FLACC1: variants seen among roughly 807,000 people sequenced by gnomAD.
The protein encoded by FLACC1 is flagellum associated containing coiled-coil domains 1.
In FLACC1, 66 loss-of-function variants were observed where a neutral mutation model predicts 62.8. That is an observed-to-expected ratio of 1.05 (90% confidence interval 0.86 to 1.29). The LOEUF (loss-of-function observed/expected upper bound fraction) is 1.29. Among genes scored for constraint, FLACC1 ranks in the 50% most tolerant of loss-of-function variants. The probability of loss-of-function intolerance (pLI) is 0.00; values close to 1 mark genes in which losing one functional copy is unlikely to be tolerated. For missense variants in FLACC1, 452 were observed against 489.1 expected (o/e 0.92, Z 0.71); for synonymous variants, 156 against 161.0 (o/e 0.97, Z 0.24).
intron 3 of FLACC1, among the ~76,000 whole-genome samples, chr2:201,350,501 A>G (rs1951003388): frequency 6.6e-6 from 1 of 152,092 alleles, no homozygotes. Context: ...CAATGTGGTG[A>G]AACCCCGTCT....
intron 6 of FLACC1, 124 bp from the exon 7 acceptor site, chr2:201,342,555 C>CATGA: frequency 2.4e-6 from 2 of 837,008 alleles, no homozygotes; most frequent in Non-Finnish European, 3.9e-6. Flanking sequence ...GGCACAGCCC[C>CATGA]CTTCCCACCC....
chr2:201,359,190 G>C (rs1317241960), upstream of FLACC1, among the ~76,000 whole-genome samples: 1 of 152,222 alleles, frequency 6.6e-6, no homozygotes. Context: ...TGGCTTTCCA[G>C]CTCGAGCAAT....
chr2:201,303,213 A>C (rs1950026024), intron 11 of FLACC1, among the ~76,000 whole-genome samples: 1 of 152,150 alleles, frequency 6.6e-6, no homozygotes, highest in Admixed American at 6.5e-5. Context: ...AGAGAGAAGA[A>C]TCAAATAGAC....
At chr2:201,323,784 C>CAAAAAAAAAAAA (rs71022362) in intron 9 of FLACC1, among the ~76,000 whole-genome samples, 594 of 52,658 alleles carry the variant, frequency 0.011, 44 homozygotes, top group African/African-American at 0.048. Context: ...CAGACTCTAT[C>CAAAAAAAAAAAA]AAAAAAAAAA....
At chr2:201,348,407 C>A (rs1056904612) in intron 3 of FLACC1, 105 bp from the exon 4 acceptor site, 26 of 1,193,356 alleles carry the variant, frequency 2.2e-5, no homozygotes, top group Non-Finnish European at 2.9e-5. Context: ...TGCTCTCTGA[C>A]CTGACCTTCT....
intron 3 of FLACC1, 59 bp from the exon 4 acceptor site, chr2:201,348,361 A>G (rs1950960178): frequency 3.2e-6 from 5 of 1,580,290 alleles, no homozygotes; most frequent in African/African-American, 1.3e-5. Context: ...TTCAAAGCTT[A>G]GGAGCTGAAC....
intron 7 of FLACC1, among the ~76,000 whole-genome samples, chr2:201,333,423 T>C (rs894827202): frequency 1.3e-5 from 2 of 152,164 alleles, no homozygotes; most frequent in Non-Finnish European, 2.9e-5. Flanking sequence ...TACTTTTTAT[T>C]ATACTTTTTT....
At position 201,347,866 on chromosome 2, in the gene FLACC1, G is replaced by A. The variant is rs72934967; in HGVS notation, c.234+388C>T. ...TCATCACCTTCTCCAGTGCCCTCCC[G>A]CCCCTGCTCCCCTGAGGGGTCCCGG... On this transcript the variant is annotated intron_variant, in intron 4 of 14. Transcript: ENST00000392257. 3.9e-3 allele frequency among the ~76,000 whole-genome samples: 586 copies of A among 152,202 alleles called. 3 individuals carry two copies. Among genetic ancestry groups the A allele is most frequent in the South Asian group, 7.1e-3 (34 of 4,818 alleles).
chr2:201,344,288 C>T (rs1166183826), intron 5 of FLACC1, 25 bp from the exon 6 acceptor site: 2 of 1,556,212 alleles, frequency 1.3e-6, no homozygotes, highest in East Asian at 2.2e-5. Context: ...ATTCTTCTAT[C>T]ATCCACAAAG....
intron 11 of FLACC1, among the ~76,000 whole-genome samples, chr2:201,303,768 G>T (rs1001807172): frequency 5.3e-5 from 8 of 152,158 alleles, no homozygotes; most frequent in South Asian, 2.1e-4. Flanking sequence ...TGCAAGGCTG[G>T]TTCAACATAC....
rs539357511 is a variant in FLACC1, at chr2:201,315,187, G to T, written c.676-5937C>A. On this transcript the variant is annotated intron_variant, in intron 9 of 14. Coordinates refer to ENST00000392257, the MANE Select transcript of FLACC1 (RefSeq NM_001127391.3). Reference sequence around the variant, plus strand: ...ACAGGAAACAAATAGCACAATGAATGGAATGGTACCTCACATCTCAATACT... The same window carrying T: ...ACAGGAAACAAATAGCACAATGAATTGAATGGTACCTCACATCTCAATACT... Among the ~76,000 whole-genome samples, 311 of 152,138 alleles carry T rather than the reference G, an allele frequency of 2.0e-3. 2 individuals are homozygous for T. Among genetic ancestry groups the T allele is most frequent in the African/African-American group, 7.2e-3 (297 of 41,518 alleles).
rs572266002 is a variant in FLACC1 at position 201,327,477 on chromosome 2, T to C, written c.675+2993A>G. Among the ~76,000 whole-genome samples, 52 of 151,420 alleles carry C rather than the reference T, an allele frequency of 3.4e-4. 1 individual carries two copies. The South Asian group carries it at 0.011, about 32-fold the overall frequency. The stretch of plus-strand genomic sequence containing the variant: ...AACAAATCAGCAAGAAAAAAACAAA[T>C]AATCCCATTAAAAAGTGGGCAAATG... On this transcript the variant is annotated intron_variant, in intron 9 of 14. Coordinates refer to ENST00000392257, the MANE Select transcript of FLACC1 (RefSeq NM_001127391.3).
At chr2:201,332,974 G>T (rs1475856240) in intron 7 of FLACC1, among the ~76,000 whole-genome samples, 1 of 152,174 alleles carries the variant, frequency 6.6e-6, no homozygotes, top group Non-Finnish European at 1.5e-5. Flanking sequence ...GGACACTTAA[G>T]TTGATTCCAT....
chr2:201,350,550 G>A (rs1040546953), intron 3 of FLACC1, among the ~76,000 whole-genome samples, 161 bp downstream of exon 3: 6 of 151,954 alleles, frequency 3.9e-5, no homozygotes, highest in East Asian at 3.9e-4. Context: ...ATGGTGGCGC[G>A]CACACCTGTA....
rs1013427051 is a variant in FLACC1 at position 201,336,562 on chromosome 2, C to G, written c.525-5729G>C. Among the ~76,000 whole-genome samples, 9 of 152,252 alleles carry G rather than the reference C, an allele frequency of 5.9e-5. No individual in the cohort carries two copies. The South Asian group carries it at 1.5e-3, about 25-fold the overall frequency. ...TTGCTGGGTCAAATGGTAGTTCTGTCTCAAGTTCTTTGAGAAATCTCCAAA... is the reference window on the plus strand; with the variant it reads ...TTGCTGGGTCAAATGGTAGTTCTGTGTCAAGTTCTTTGAGAAATCTCCAAA... On this transcript the variant is annotated intron_variant, in intron 7 of 14. Coordinates refer to ENST00000392257, the MANE Select transcript of FLACC1 (RefSeq NM_001127391.3).
In FLACC1 at chr2:201,288,684, C is replaced by T. The variant is rs765582368; in HGVS notation, c.1240G>A (p.Asp414Asn). The change falls in exon 15 of 15, where the codon GAT becomes AAT. Residue 414 changes from aspartate to asparagine, a missense_variant. Asp to Asn is a conservative substitution (Grantham distance 23, BLOSUM62 1). Coordinates refer to ENST00000392257, the MANE Select transcript of FLACC1 (RefSeq NM_001127391.3). ...GATTCTTGTCCTTTCTTGCTACCAT[C>T]TTGCACAGTGTCAGAATCATCCTTA... Reference protein sequence around the residue: ...VSKDDSDTVQDGSKKGQES With the variant: ...VSKDDSDTVQNGSKKGQES 1.9e-6 allele frequency: 3 copies of T among 1,614,104 alleles called. No individual in the cohort carries two copies. The highest frequency in any genetic ancestry group is 2.2e-5 in the South Asian group (2 of 91,082).
intron 7 of FLACC1, among the ~76,000 whole-genome samples, chr2:201,332,389 C>A (rs1950612283): frequency 6.6e-6 from 1 of 151,954 alleles, no homozygotes; most frequent in Non-Finnish European, 1.5e-5. Context: ...GCTGGGATTA[C>A]AAGCACCTGC....
chr2:201,329,827 C>T (rs901759331), intron 9 of FLACC1, among the ~76,000 whole-genome samples: 8 of 152,198 alleles, frequency 5.3e-5, no homozygotes, highest in African/African-American at 1.9e-4. Context: ...CAAACCTCAG[C>T]ATCACACAAT....
intron 9 of FLACC1, among the ~76,000 whole-genome samples, chr2:201,312,970 T>C (rs903291890): frequency 6.6e-6 from 1 of 152,172 alleles, no homozygotes; most frequent in Admixed American, 6.5e-5. Context: ...GTCTAGATCA[T>C]GGGAGAAGAT....
Sources: allele counts gnomAD v4.1 joint callset (sites outside exome capture counted in the v4.1 genomes callset), GRCh38; gene constraint gnomAD v4.1.1; transcripts MANE v1.5; gene names NCBI Gene and HGNC (gene_info 2026-07-23, HGNC 2026-07-21).